The following ITGA1 variants were observed in gnomAD, a reference collection of about 807,000 sequenced individuals.
The protein encoded by ITGA1 is integrin alpha-1.
Under a neutral mutation model 145.9 loss-of-function variants are expected in ITGA1, and 85 were observed. That is an observed-to-expected ratio of 0.58 (90% CI 0.49 to 0.70). The LOEUF is 0.70. Among genes scored for constraint, ITGA1 ranks in the 30% least tolerant of loss-of-function variants. The pLI, the probability that ITGA1 is intolerant of heterozygous loss-of-function variation, is 0.00. For synonymous variants in ITGA1, 520 were observed against 495.3 expected (o/e 1.05, Z -0.66); for missense variants, 1,351 against 1,418.7 (o/e 0.95, Z 0.77).
At chr5:52,847,572 T>C (rs1461692285) in intron 1 of ITGA1, among the ~76,000 whole-genome samples, 1 of 152,122 alleles carries the variant, frequency 6.6e-6, no homozygotes, top group Non-Finnish European at 1.5e-5. Context: ...TTGGTTTGTT[T>C]GAGACAGTCT....
At chr5:52,909,721 C>T (rs1750468543) in intron 13 of ITGA1, among the ~76,000 whole-genome samples, 1 of 150,404 alleles carries the variant, frequency 6.6e-6, no homozygotes, top group Non-Finnish European at 1.5e-5. Context: ...TGTCCTTTTT[C>T]CAAGAAAGTG....
chr5:52,859,321 A>G (rs917072256), intron 2 of ITGA1, among the ~76,000 whole-genome samples: 2 of 152,182 alleles, frequency 1.3e-5, no homozygotes, highest in Non-Finnish European at 2.9e-5. Context: ...TTACTCTTTC[A>G]TAATTATATA....
intron 9 of ITGA1, among the ~76,000 whole-genome samples, chr5:52,897,082 G>GT (rs1480401068): frequency 1.3e-5 from 2 of 152,070 alleles, no homozygotes; most frequent in Admixed American, 6.6e-5. Context: ...GCTCAGCAGG[G>GT]TTCCCAAGGC....
At chr5:52,918,091 G>A (rs191274663) in intron 15 of ITGA1, among the ~76,000 whole-genome samples, 12 of 152,206 alleles carry the variant, frequency 7.9e-5, no homozygotes, top group Admixed American at 7.8e-4. Context: ...ACATTACTGG[G>A]CTTTCGAGTT....
intron 6 of ITGA1, among the ~76,000 whole-genome samples, chr5:52,866,307 G>C (rs758073456): frequency 6.6e-6 from 1 of 151,906 alleles, no homozygotes. Flanking sequence ...GTGAGCCACT[G>C]TGCCCAACCT....
rs539779387 is a variant in ITGA1 at position 52,887,103 on chromosome 5, C to T, written c.774-712C>T. 4.3e-4 allele frequency among the ~76,000 whole-genome samples: 65 copies of T among 152,230 alleles called. 1 individual carries two copies. Among genetic ancestry groups the T allele is most frequent in the African/African-American group, 1.5e-3 (62 of 41,542 alleles). On this transcript the variant is annotated intron_variant, in intron 7 of 28. Transcript: ENST00000282588. The stretch of plus-strand genomic sequence containing the variant: ...CCCTCCTCTCCATTGCCATCTTCTC[C>T]CATCCTGCTCTCAGCAGCCTGTGTG...
intron 9 of ITGA1, among the ~76,000 whole-genome samples, chr5:52,894,961 T>C (rs1025800022): frequency 1.3e-5 from 2 of 152,174 alleles, no homozygotes; most frequent in African/African-American, 2.4e-5. Flanking sequence ...TGACTCACGA[T>C]AATAACTACA....
chr5:52,812,664 T>C (rs184078609), intron 1 of ITGA1, among the ~76,000 whole-genome samples: 2 of 152,266 alleles, frequency 1.3e-5, no homozygotes, highest in Admixed American at 1.3e-4. Context: ...GAGCTTCAAT[T>C]TGTAAAATGG....
intron 1 of ITGA1, among the ~76,000 whole-genome samples, chr5:52,812,571 A>C (rs1282766294): frequency 1.3e-5 from 2 of 152,174 alleles, no homozygotes; most frequent in Admixed American, 6.5e-5. Context: ...GCTCTGGACT[A>C]GAAAATCTTG....
At chr5:52,809,502 CTT>C (rs59067853) in intron 1 of ITGA1, among the ~76,000 whole-genome samples, 8 of 122,428 alleles carry the variant, frequency 6.5e-5, no homozygotes, top group Non-Finnish European at 6.9e-5. Flanking sequence ...CTCAACTTTA[CTT>C]TTTTTTTTTT....
At chr5:52,828,513 T>C (rs915378435) in intron 1 of ITGA1, among the ~76,000 whole-genome samples, 2 of 152,186 alleles carry the variant, frequency 1.3e-5, no homozygotes, top group African/African-American at 4.8e-5. Context: ...CTTGCCTTTT[T>C]GTTGTTGAGT....
chr5:52,930,248 T>C (rs947887099), intron 21 of ITGA1, among the ~76,000 whole-genome samples: 8 of 152,170 alleles, frequency 5.3e-5, no homozygotes, highest in Non-Finnish European at 7.4e-5. Flanking sequence ...AGTGAGATGG[T>C]GTCTTTTACT....
chr5:52,930,962 G>T (rs1049471443), intron 21 of ITGA1, among the ~76,000 whole-genome samples: 4 of 152,110 alleles, frequency 2.6e-5, no homozygotes, highest in African/African-American at 9.7e-5. Context: ...GCTGCAGTGT[G>T]GAATGGGTGA....
At chr5:52,844,782 T>G (rs958500248) in intron 1 of ITGA1, among the ~76,000 whole-genome samples, 6 of 152,218 alleles carry the variant, frequency 3.9e-5, no homozygotes, top group African/African-American at 1.4e-4. Flanking sequence ...CTCTGTGTTT[T>G]GCTTTTCTGG....
chr5:52,822,027 G>T (rs1748887543), intron 1 of ITGA1, among the ~76,000 whole-genome samples: 1 of 152,122 alleles, frequency 6.6e-6, no homozygotes, highest in African/African-American at 2.4e-5. Flanking sequence ...AACTTAAATT[G>T]CATATATTTT....
chr5:52,800,130 G>A (rs1368482677), intron 1 of ITGA1: 1 of 439,894 alleles, frequency 2.3e-6, no homozygotes, highest in East Asian at 4.3e-5. Context: ...CTGCCAGCGG[G>A]AACTGTGTAG....
At position 52,865,752 on chromosome 5, in the gene ITGA1, G is replaced by A. The variant is rs1300687179; in HGVS notation, c.559G>A (p.Asp187Asn). 4 of 1,605,428 alleles carry A rather than the reference G, an allele frequency of 2.5e-6. No individual in the cohort carries two copies. The East Asian group carries it at 6.8e-5, about 27-fold the overall frequency. Reference protein sequence around the residue: ...LDGSNSIYPWDSVTAFLNDLL... With the variant: ...LDGSNSIYPWNSVTAFLNDLL... ...TGGTTCCAACAGTATTTACCCATGGGACAGTGTTACAGCTTTTTTAAATGA... is the reference window on the plus strand; with the variant it reads ...TGGTTCCAACAGTATTTACCCATGGAACAGTGTTACAGCTTTTTTAAATGA... Residue 187 changes from aspartate to asparagine, a missense_variant, in exon 6 of 29, where the codon GAC becomes AAC. Asp to Asn is a conservative substitution (Grantham distance 23, BLOSUM62 1). Coordinates refer to ENST00000282588, the MANE Select transcript of ITGA1 (RefSeq NM_181501.2).
At position 52,861,434 on chromosome 5, in the gene ITGA1, A is replaced by G. The variant is rs760326113; in HGVS notation, c.183-13A>G. The G allele has an allele frequency of 6.5e-7, 1 of 1,538,666 alleles. No individual in the cohort carries two copies. The highest frequency in any genetic ancestry group is 1.1e-5 in the South Asian group (1 of 88,386). Reference sequence around the variant, plus strand: ...AATGTTCAAAAATGTTTACTGATTTATTTAACTTCCAGGGTGCTTATTGGT... The same window carrying G: ...AATGTTCAAAAATGTTTACTGATTTGTTTAACTTCCAGGGTGCTTATTGGT... On this transcript the variant is annotated splice_polypyrimidine_tract_variant and intron_variant, in intron 2 of 28. Coordinates refer to ENST00000282588, the MANE Select transcript of ITGA1 (RefSeq NM_181501.2).
intron 1 of ITGA1, among the ~76,000 whole-genome samples, chr5:52,831,700 A>G (rs965408005): frequency 5.3e-5 from 8 of 152,088 alleles, no homozygotes; most frequent in African/African-American, 1.4e-4. Context: ...AAATTCTTTG[A>G]GGGCAGAGAC....
Sources: allele counts gnomAD v4.1 joint callset (sites outside exome capture counted in the v4.1 genomes callset), GRCh38; gene constraint gnomAD v4.1.1; transcripts MANE v1.5; gene names NCBI Gene and HGNC (gene_info 2026-07-23, HGNC 2026-07-21).